The following TSPAN2 variants were observed in gnomAD, a reference collection of about 807,000 sequenced individuals.
TSPAN2 encodes the protein tetraspanin-2.
A neutral mutation model predicts 33.3 loss-of-function variants in TSPAN2; 24 were observed. The ratio of observed to expected loss-of-function variants is 0.72; its 90% CI spans 0.52 to 1.01. The LOEUF is 1.01. Among genes scored for constraint, TSPAN2 ranks in the 50% least tolerant of loss-of-function variants. The probability of loss-of-function intolerance (pLI) is 0.00; values close to 1 mark genes in which losing one functional copy is unlikely to be tolerated. For synonymous variants in TSPAN2, 114 were observed against 104.5 expected (o/e 1.09, Z -0.56); for missense variants, 278 against 281.3 (o/e 0.99, Z 0.08).
chr1:115,061,729 T>TA (rs1436485634), intron 3 of TSPAN2, among the ~76,000 whole-genome samples: 1 of 152,112 alleles, frequency 6.6e-6, no homozygotes, highest in Non-Finnish European at 1.5e-5. Context: ...TGGAGTGCAG[T>TA]GGTACAGTCA....
At chr1:115,068,265 GTC>G (rs942630838) in intron 2 of TSPAN2, among the ~76,000 whole-genome samples, 1 of 152,186 alleles carries the variant, frequency 6.6e-6, no homozygotes, top group African/African-American at 2.4e-5. Context: ...TGGAGGTTAT[GTC>G]TGATCTTTAT....
At chr1:115,053,511 G>A (rs1226425844) in intron 6 of TSPAN2, 49 bp from the exon 7 acceptor site, 1 of 1,471,022 alleles carries the variant, frequency 6.8e-7, no homozygotes, top group South Asian at 1.2e-5. Context: ...GTATGTGTCA[G>A]TCATTATCCT....
chr1:115,055,679 A>G (rs2101023569), intron 6 of TSPAN2, among the ~76,000 whole-genome samples: 1 of 152,230 alleles, frequency 6.6e-6, no homozygotes, highest in East Asian at 1.9e-4. Context: ...ACATGCCACC[A>G]CGCCTGGCTA....
chr1:115,071,492 C>T (rs570043373), intron 2 of TSPAN2, among the ~76,000 whole-genome samples: 24 of 152,256 alleles, frequency 1.6e-4, no homozygotes, highest in South Asian at 1.2e-3. Flanking sequence ...CAGCTCTGAA[C>T]GAATTCTGGA....
intron 2 of TSPAN2, among the ~76,000 whole-genome samples, chr1:115,071,862 G>A (rs1284424424): frequency 6.6e-6 from 1 of 152,156 alleles, no homozygotes; most frequent in African/African-American, 2.4e-5. Flanking sequence ...CTGGCCCTTC[G>A]GGAGGATGTC....
Position 115,050,088 on chromosome 1 carries a change from A to G in TSPAN2, c.*402T>C, listed in dbSNP as rs1478720725. ...CTGAATTCTCTGCATCTAATTTTCA[A>G]TGGCTACAGTCTGAGAAACTGACCC... On this transcript the variant is annotated 3_prime_UTR_variant, in exon 8 of 8. Coordinates refer to ENST00000369516, the MANE Select transcript of TSPAN2 (RefSeq NM_005725.6). The G allele has an allele frequency of 1.8e-5, 4 of 225,652 alleles. No individual in the cohort carries two copies. The highest frequency in any genetic ancestry group is 9.5e-5 in the African/African-American group (4 of 41,978). The allele number at this position is 225,652 out of a possible 1,614,324, so 14.0% of individuals were successfully genotyped here.
intron 1 of TSPAN2, among the ~76,000 whole-genome samples, chr1:115,081,453 T>A (rs1303122912): frequency 6.6e-6 from 1 of 152,220 alleles, no homozygotes; most frequent in African/African-American, 2.4e-5. Context: ...TTCTAGAAAT[T>A]CACCTCTTCT....
chr1:115,087,344 G>A (rs1037653115), intron 1 of TSPAN2, among the ~76,000 whole-genome samples: 7 of 151,726 alleles, frequency 4.6e-5, no homozygotes, highest in African/African-American at 7.3e-5. Context: ...GGCCAGGCGC[G>A]GTGGCTCACG....
At chr1:115,066,780 T>C (rs1484304628) in intron 2 of TSPAN2, among the ~76,000 whole-genome samples, 1 of 152,212 alleles carries the variant, frequency 6.6e-6, no homozygotes, top group Non-Finnish European at 1.5e-5. Flanking sequence ...GAATGCAACT[T>C]AGTTTTTGGG....
chr1:115,052,951 A>G (rs953818137), intron 7 of TSPAN2, among the ~76,000 whole-genome samples: 2 of 152,232 alleles, frequency 1.3e-5, no homozygotes, highest in African/African-American at 2.4e-5. Context: ...GGTGGAGCCT[A>G]GAGTTAAATC....
intron 6 of TSPAN2, among the ~76,000 whole-genome samples, chr1:115,056,494 G>A (rs1351672390): frequency 2.6e-5 from 4 of 152,150 alleles, no homozygotes; most frequent in Non-Finnish European, 5.9e-5. Context: ...TGTCATTTCT[G>A]CCTCTGTGTT....
chr1:115,071,963 T>C (rs971770182), intron 2 of TSPAN2, among the ~76,000 whole-genome samples: 9 of 152,196 alleles, frequency 5.9e-5, no homozygotes, highest in Admixed American at 5.2e-4. Flanking sequence ...CAGGATGCTC[T>C]TCCTCCCTGC....
chr1:115,089,312 G>GGCCGCCCC, intron 1 of TSPAN2, 52 bp downstream of exon 1: 2 of 1,389,166 alleles, frequency 1.4e-6, no homozygotes, highest in Non-Finnish European at 2.0e-6. Flanking sequence ...CCGGCCCCGC[G>GGCCGCCCC]CCCGCCACCC....
intron 2 of TSPAN2, among the ~76,000 whole-genome samples, chr1:115,072,375 G>A (rs1255350143): frequency 6.6e-6 from 1 of 151,980 alleles, no homozygotes; most frequent in African/African-American, 2.4e-5. Flanking sequence ...GCAGTCCCTA[G>A]TCATGGAGAG....
At chr1:115,060,430 A>C (rs1351336594) in intron 4 of TSPAN2, 34 bp downstream of exon 4, 1 of 1,506,324 alleles carries the variant, frequency 6.6e-7, no homozygotes, top group Non-Finnish European at 9.2e-7. Flanking sequence ...ACTTTTAACC[A>C]TCATAGAAAA....
At chr1:115,056,488 A>G (rs571543981) in intron 6 of TSPAN2, among the ~76,000 whole-genome samples, 9 of 152,180 alleles carry the variant, frequency 5.9e-5, no homozygotes, top group African/African-American at 1.9e-4. Flanking sequence ...AAACCATGTC[A>G]TTTCTGCCTC....
chr1:115,088,294 C>G (rs749919870), intron 1 of TSPAN2, among the ~76,000 whole-genome samples: 1 of 152,142 alleles, frequency 6.6e-6, no homozygotes, highest in East Asian at 1.9e-4. Context: ...AGACAACGTC[C>G]CCCAGAGCAG....
At chr1:115,062,331 T>C (rs879045737) in intron 2 of TSPAN2, 99 bp from the exon 3 acceptor site, 3 of 850,012 alleles carry the variant, frequency 3.5e-6, no homozygotes, top group Non-Finnish European at 5.6e-6. Flanking sequence ...ATTCTAATAG[T>C]ACCAAAAGGA....
rs1675233752 is a variant in TSPAN2, at chr1:115,048,908, GA to G, written c.*1581del. 1 of 152,242 alleles carries G rather than the reference GA, an allele frequency of 6.6e-6. No individual in the cohort carries two copies. The highest frequency in any genetic ancestry group is 1.9e-4 in the East Asian group (1 of 5,188). 9.4% of individuals were successfully genotyped at this position (152,242 alleles called of 1,614,324 possible). ...AGCAGTAGCAAGTATGGCAGAAAGA[GA>G]AATGTGGTTCTCCATGGGAGAGAGA... On this transcript the variant is annotated 3_prime_UTR_variant, in exon 8 of 8. Coordinates refer to ENST00000369516, the MANE Select transcript of TSPAN2 (RefSeq NM_005725.6).
Sources: allele counts gnomAD v4.1 joint callset (sites outside exome capture counted in the v4.1 genomes callset), GRCh38; gene constraint gnomAD v4.1.1; transcripts MANE v1.5; gene names NCBI Gene and HGNC (gene_info 2026-07-23, HGNC 2026-07-21).